THSD4: variants seen among roughly 807,000 people sequenced by gnomAD.
The protein encoded by THSD4 is thrombospondin type-1 domain-containing protein 4.
In THSD4, 69 loss-of-function variants were observed where a neutral mutation model predicts 119.0. The ratio of observed to expected loss-of-function variants is 0.58; its 90% confidence interval spans 0.48 to 0.71. THSD4 has a LOEUF of 0.71. THSD4 is among the 30% of genes least tolerant of loss of function. The probability of loss-of-function intolerance (pLI) is 0.00; values close to 1 mark genes in which losing one functional copy is unlikely to be tolerated. For missense variants in THSD4, 1,393 were observed against 1,391.1 expected (o/e 1.00, Z -0.02); for synonymous variants, 524 against 540.4 (o/e 0.97, Z 0.42).
chr15:71,238,242 A>G (rs1169932860), intron 4 of THSD4, among the ~76,000 whole-genome samples: 1 of 152,118 alleles, frequency 6.6e-6, no homozygotes. Flanking sequence ...ATGCATTTCT[A>G]TCAGTAAGTT....
chr15:71,463,989 CA>C (rs2047463022), intron 7 of THSD4, among the ~76,000 whole-genome samples: 1 of 152,204 alleles, frequency 6.6e-6, no homozygotes, highest in South Asian at 2.1e-4. Context: ...CAAACTCCCC[CA>C]ATATGAATCT....
At chr15:71,404,225 CTAT>C (rs917949248) in intron 6 of THSD4, among the ~76,000 whole-genome samples, 5 of 152,078 alleles carry the variant, frequency 3.3e-5, no homozygotes, top group African/African-American at 9.7e-5. Context: ...AAGCTGATAC[CTAT>C]TAGCAGTCAC....
In THSD4 at chr15:71,365,131, TTGTGTGTGTGTG is replaced by T. The variant is rs10690804; in HGVS notation, c.1016-46532_1016-46521del. Among the ~76,000 whole-genome samples the T allele has an allele frequency of 2.4e-3, 326 of 135,914 alleles. 4 individuals are homozygous for T. The highest frequency in any genetic ancestry group is 0.021 in the South Asian group (82 of 3,830). 89.2% of individuals were successfully genotyped at this position (135,914 alleles called of 152,430 possible). On this transcript the variant is annotated intron_variant, in intron 6 of 17. Transcript: ENST00000261862. Reference sequence around the variant, plus strand: ...GAAAATATATCCACTGCCCCCCCCATTGTGTGTGTGTGTGTGTGTGTGTGTGTGTGTGTGTAT... The same window carrying T: ...GAAAATATATCCACTGCCCCCCCCATTGTGTGTGTGTGTGTGTGTGTGTAT...
At chr15:71,139,884 AG>A (rs1471332372) in intron 1 of THSD4, among the ~76,000 whole-genome samples, 1 of 152,226 alleles carries the variant, frequency 6.6e-6, no homozygotes, top group Non-Finnish European at 1.5e-5. Context: ...CCCTTCAAGG[AG>A]TTGCAGCAGG....
intron 7 of THSD4, among the ~76,000 whole-genome samples, chr15:71,561,907 C>A (rs1445359144): frequency 9.5e-4 from 37 of 38,796 alleles, no homozygotes; most frequent in African/African-American, 4.4e-3. Context: ...CACACACACA[C>A]ACACACACAC....
chr15:71,147,097 C>T (rs908364891), intron 2 of THSD4, among the ~76,000 whole-genome samples: 1 of 152,200 alleles, frequency 6.6e-6, no homozygotes, highest in Admixed American at 6.5e-5. Context: ...TGCTTTTTAC[C>T]ATTGTCTTCC....
chr15:71,165,119 G>A (rs994570202), intron 3 of THSD4: 5 of 1,610,740 alleles, frequency 3.1e-6, no homozygotes, highest in East Asian at 2.2e-5. Context: ...GAAGAAGGCC[G>A]AAGGAGGCCT....
intron 7 of THSD4, among the ~76,000 whole-genome samples, chr15:71,659,033 A>G (rs753408820): frequency 6.6e-6 from 1 of 152,228 alleles, no homozygotes; most frequent in Non-Finnish European, 1.5e-5. Context: ...GGGTTGCATA[A>G]CAAAATCAAA....
intron 15 of THSD4, among the ~76,000 whole-genome samples, chr15:71,763,127 T>C (rs1398149723): frequency 6.6e-6 from 1 of 152,058 alleles, no homozygotes; most frequent in Admixed American, 6.6e-5. Flanking sequence ...GCTACGAAGA[T>C]GGCAAAAAAG....
chr15:71,471,927 T>C (rs2047586351), intron 7 of THSD4, among the ~76,000 whole-genome samples: 1 of 151,984 alleles, frequency 6.6e-6, no homozygotes, highest in Admixed American at 6.6e-5. Flanking sequence ...TTTTTGTTTT[T>C]GTTCTGAGAG....
intron 7 of THSD4, among the ~76,000 whole-genome samples, chr15:71,455,883 C>A (rs890103492): frequency 1.5e-4 from 23 of 152,108 alleles, no homozygotes; most frequent in African/African-American, 4.6e-4. Flanking sequence ...CTGATAGGTC[C>A]TTTTGTTTCC....
chr15:71,719,306 C>G (rs1171449251), intron 8 of THSD4, among the ~76,000 whole-genome samples: 2 of 152,202 alleles, frequency 1.3e-5, no homozygotes, highest in Admixed American at 6.5e-5. Context: ...GAAACTCACA[C>G]AGGTTTGAGT....
intron 6 of THSD4, among the ~76,000 whole-genome samples, chr15:71,286,096 G>A (rs992641696): frequency 2.0e-5 from 3 of 152,054 alleles, no homozygotes; most frequent in Non-Finnish European, 2.9e-5. Flanking sequence ...TCTAAGTTGG[G>A]TTTGGGGTCA....
intron 8 of THSD4, among the ~76,000 whole-genome samples, chr15:71,702,512 C>G (rs1595876119): frequency 6.6e-6 from 1 of 152,206 alleles, no homozygotes; most frequent in South Asian, 2.1e-4. Flanking sequence ...CATTAAATTT[C>G]TTGATTCTTA....
chr15:71,351,833 T>C (rs527296489), intron 6 of THSD4, among the ~76,000 whole-genome samples: 1 of 152,348 alleles, frequency 6.6e-6, no homozygotes. Flanking sequence ...TTTATCTCCC[T>C]ACTCCCTTCC....
intron 1 of THSD4, among the ~76,000 whole-genome samples, chr15:71,121,942 A>G (rs1190489074): frequency 6.6e-6 from 1 of 152,040 alleles, no homozygotes; most frequent in Non-Finnish European, 1.5e-5. Flanking sequence ...AACCGTGCAC[A>G]TGAGGCCGCT....
intron 3 of THSD4, among the ~76,000 whole-genome samples, chr15:71,180,197 A>G (rs371046701): frequency 5.5e-4 from 83 of 151,966 alleles, no homozygotes; most frequent in African/African-American, 2.0e-3. Context: ...CACTATCAAC[A>G]GAGTATAAAG....
At chr15:71,463,842 C>T (rs2047460187) in intron 7 of THSD4, among the ~76,000 whole-genome samples, 1 of 152,230 alleles carries the variant, frequency 6.6e-6, no homozygotes, top group South Asian at 2.1e-4. Flanking sequence ...CATTTGTCTA[C>T]TCTGTACCAT....
chr15:71,377,956 CAGA>C (rs2046172396), intron 6 of THSD4, among the ~76,000 whole-genome samples: 1 of 146,388 alleles, frequency 6.8e-6, no homozygotes, highest in Non-Finnish European at 1.5e-5. Context: ...CTGAAAATAG[CAGA>C]ACATAAATTG....
Sources: gnomAD v4.1 joint callset for allele counts (sites outside exome capture counted in the v4.1 genomes callset) on GRCh38, gnomAD v4.1.1 for gene constraint, MANE v1.5 for transcripts, NCBI Gene and HGNC (gene_info 2026-07-23, HGNC 2026-07-21) for gene names.